Variants in WWOX observed in about 807,000 individuals in gnomAD.
The protein encoded by WWOX is WW domain-containing oxidoreductase.
In WWOX, 69 loss-of-function variants were observed where a neutral mutation model predicts 46.2. That is an observed-to-expected ratio of 1.49 (90% CI 1.23 to 1.82). The LOEUF (loss-of-function observed/expected upper bound fraction) is 1.82. WWOX is among the 40% of genes most tolerant of loss of function. WWOX has a pLI of 0.00. For missense variants in WWOX, 919 were observed against 542.6 expected (o/e 1.69, Z -6.89); for synonymous variants, 359 against 202.6 (o/e 1.77, Z -6.56).
chr16:78,812,649 C>CAGGAGGCGAAT (rs1461739944), intron 8 of WWOX, among the ~76,000 whole-genome samples: 136 of 152,192 alleles, frequency 8.9e-4, no homozygotes, highest in African/African-American at 3.1e-3. Context: ...TCACTTGAAC[C>CAGGAGGCGAAT]CAGGAGGCGA....
In WWOX at chr16:78,099,707, G is replaced by A. The variant is rs1306490894; in HGVS notation, c.-72G>A. The A allele has an allele frequency of 3.4e-5, 50 of 1,480,064 alleles. No individual in the cohort carries two copies. The highest frequency in any genetic ancestry group is 3.9e-5 in the Non-Finnish European group (43 of 1,115,386). 91.7% of individuals were successfully genotyped at this position (1,480,064 alleles called of 1,614,324 possible). ...CCGACGCGCGCGGGTCTCGTTTGGA[G>A]CGGGAGTGAGTTCCTGAGCGAGTGG... On this transcript the variant is annotated 5_prime_UTR_variant, in exon 1 of 9. Transcript: ENST00000566780.
At chr16:78,868,340 A>G (rs2044051120) in intron 8 of WWOX, among the ~76,000 whole-genome samples, 2 of 152,084 alleles carry the variant, frequency 1.3e-5, no homozygotes, top group East Asian at 3.9e-4. Flanking sequence ...AACTCTATAG[A>G]CAGCAAACAG....
At chr16:79,211,043 G>GTGTGTGTGTGTC (rs1395469279) in intron 8 of WWOX, among the ~76,000 whole-genome samples, 3 of 151,782 alleles carry the variant, frequency 2.0e-5, no homozygotes, top group Non-Finnish European at 4.4e-5. Flanking sequence ...GAGTGTGTGT[G>GTGTGTGTGTGTC]TGTGTGTGTG....
chr16:79,145,379 T>G (rs763348431), intron 8 of WWOX, among the ~76,000 whole-genome samples: 1 of 152,176 alleles, frequency 6.6e-6, no homozygotes, highest in Non-Finnish European at 1.5e-5. Context: ...TTAATTATTT[T>G]TATTTTTAGA....
intron 8 of WWOX, among the ~76,000 whole-genome samples, chr16:78,987,098 A>G (rs1208322605): frequency 1.3e-5 from 2 of 152,170 alleles, no homozygotes; most frequent in Non-Finnish European, 2.9e-5. Context: ...AAGGAGAACT[A>G]ACTTGCCACT....
At chr16:78,312,502 G>C (rs1190183739) in intron 5 of WWOX, among the ~76,000 whole-genome samples, 1 of 151,636 alleles carries the variant, frequency 6.6e-6, no homozygotes, top group Non-Finnish European at 1.5e-5. Flanking sequence ...AGCCTCCTGA[G>C]TAGCTGGGAT....
chr16:78,681,320 G>A (rs1427050565), intron 8 of WWOX, among the ~76,000 whole-genome samples: 1 of 152,178 alleles, frequency 6.6e-6, no homozygotes, highest in East Asian at 1.9e-4. Flanking sequence ...TGGGAGGATG[G>A]CTTGAGCCCA....
chr16:78,924,884 A>G (rs2045463173), intron 8 of WWOX, among the ~76,000 whole-genome samples: 1 of 152,152 alleles, frequency 6.6e-6, no homozygotes, highest in African/African-American at 2.4e-5. Flanking sequence ...GTGTGCTCTC[A>G]ATGTTTGTCT....
chr16:79,131,054 G>C (rs2049867950), intron 8 of WWOX, among the ~76,000 whole-genome samples: 2 of 152,166 alleles, frequency 1.3e-5, no homozygotes, highest in East Asian at 1.9e-4. Context: ...TGACCAGCAG[G>C]CTTCTCTTTT....
intron 8 of WWOX, among the ~76,000 whole-genome samples, chr16:78,821,587 G>T (rs986922705): frequency 6.6e-6 from 1 of 152,110 alleles, no homozygotes; most frequent in Non-Finnish European, 1.5e-5. Flanking sequence ...GATGACCTGT[G>T]GTATTTTTAT....
chr16:78,658,372 T>G (rs903463801), intron 8 of WWOX, among the ~76,000 whole-genome samples: 1 of 152,216 alleles, frequency 6.6e-6, no homozygotes, highest in Non-Finnish European at 1.5e-5. Context: ...ACACTTGCCA[T>G]GTAGTCACTA....
intron 8 of WWOX, among the ~76,000 whole-genome samples, chr16:78,774,068 G>A (rs9921512): frequency 6.6e-6 from 1 of 151,972 alleles, no homozygotes; most frequent in East Asian, 1.9e-4. Flanking sequence ...AAGGAAGCCC[G>A]TCTAGGTCCT....
intron 8 of WWOX, among the ~76,000 whole-genome samples, chr16:78,736,943 TTATTGCC>T (rs2049106507): frequency 3.9e-5 from 6 of 152,094 alleles, no homozygotes; most frequent in African/African-American, 1.4e-4. Flanking sequence ...GTGTATTGCG[TTATTGCC>T]TTAGTCACAG....
At chr16:78,780,026 A>C (rs1597597264) in intron 8 of WWOX, among the ~76,000 whole-genome samples, 1 of 152,324 alleles carries the variant, frequency 6.6e-6, no homozygotes, top group East Asian at 1.9e-4. Flanking sequence ...CAATGGCAGT[A>C]CCCAGTAGAA....
intron 8 of WWOX, among the ~76,000 whole-genome samples, chr16:79,109,466 G>A (rs2049375195): frequency 6.6e-6 from 1 of 152,130 alleles, no homozygotes; most frequent in Non-Finnish European, 1.5e-5. Context: ...GAGCCGGGCA[G>A]GTTGGTTTTA....
chr16:78,772,354 C>T (rs181341901), intron 8 of WWOX, among the ~76,000 whole-genome samples: 8 of 152,292 alleles, frequency 5.3e-5, no homozygotes, highest in African/African-American at 9.6e-5. Context: ...CGTCCGTGTT[C>T]TCGCAGAAGA....
Position 78,747,694 on chromosome 16 carries a change from T to G in WWOX, c.1056+314942T>G, listed in dbSNP as rs182201696. Reference sequence around the variant, plus strand: ...CTTTCTGAATATGTATACAATTGTTTCCTCGATTACTGTCTGCCTCTTCTT... The same window carrying G: ...CTTTCTGAATATGTATACAATTGTTGCCTCGATTACTGTCTGCCTCTTCTT... On this transcript the variant is annotated intron_variant, in intron 8 of 8. Transcript: ENST00000566780. Among the ~76,000 whole-genome samples, 170 of 152,296 alleles carry G rather than the reference T, an allele frequency of 1.1e-3. 2 individuals are homozygous for G. Among genetic ancestry groups the G allele is most frequent in the Non-Finnish European group, 2.1e-3 (144 of 68,028 alleles).
chr16:78,894,514 G>T (rs1356644823), intron 8 of WWOX, among the ~76,000 whole-genome samples: 1 of 152,176 alleles, frequency 6.6e-6, no homozygotes, highest in Non-Finnish European at 1.5e-5. Flanking sequence ...TTGGCTTTCT[G>T]CTCTACCTAG....
intron 5 of WWOX, among the ~76,000 whole-genome samples, chr16:78,258,502 G>A (rs558665652): frequency 3.3e-5 from 5 of 151,970 alleles, no homozygotes; most frequent in Non-Finnish European, 5.9e-5. Flanking sequence ...CTAAGTTTAT[G>A]GTGTGTCTGC....
Sources: allele counts gnomAD v4.1 joint callset (sites outside exome capture counted in the v4.1 genomes callset), GRCh38; gene constraint gnomAD v4.1.1; transcripts MANE v1.5; gene names NCBI Gene and HGNC (gene_info 2026-07-23, HGNC 2026-07-21).